Variants in MELK observed in about 807,000 individuals in gnomAD.
MELK encodes maternal embryonic leucine zipper kinase.
Under a neutral mutation model 85.0 loss-of-function variants are expected in MELK, and 81 were observed. The ratio of observed to expected loss-of-function variants is 0.95; its 90% CI spans 0.80 to 1.15. The LOEUF is 1.15. MELK is among the 50% of genes most tolerant of loss of function. The pLI, the probability that MELK is intolerant of heterozygous loss-of-function variation, is 0.00. For synonymous variants in MELK, 252 were observed against 265.0 expected (o/e 0.95, Z 0.48); for missense variants, 754 against 777.5 (o/e 0.97, Z 0.36).
chr9:36,633,340 G>T, intron 10 of MELK, 140 bp downstream of exon 10: 3 of 600,934 alleles, frequency 5.0e-6, no homozygotes, highest in Non-Finnish European at 8.4e-6. Context: ...GTAACCTAAT[G>T]GACAGTGGTT....
At chr9:36,580,767 C>T (rs1302212650) in intron 1 of MELK, among the ~76,000 whole-genome samples, 3 of 136,896 alleles carry the variant, frequency 2.2e-5, no homozygotes, top group Non-Finnish European at 3.1e-5. Flanking sequence ...CTGGCTGTTT[C>T]GCCCAGGCTA....
intron 13 of MELK, among the ~76,000 whole-genome samples, chr9:36,660,147 A>G (rs1831647468): frequency 1.3e-5 from 2 of 152,074 alleles, no homozygotes; most frequent in African/African-American, 4.8e-5. Context: ...GTATGAGCAC[A>G]TCCTATACAT....
chr9:36,653,371 C>T (rs1830902333), intron 12 of MELK, among the ~76,000 whole-genome samples: 1 of 152,052 alleles, frequency 6.6e-6, no homozygotes, highest in African/African-American at 2.4e-5. Context: ...GTCTTGAACA[C>T]CTGGGCTCAA....
At chr9:36,573,161 A>G (rs1490323200) in intron 1 of MELK, 154 bp downstream of exon 1, 1 of 152,294 alleles carries the variant, frequency 6.6e-6, no homozygotes, top group African/African-American at 2.4e-5. Flanking sequence ...TTCCCTGGAT[A>G]AGATATTTGA....
At chr9:36,587,930 T>A (rs1823106901) in intron 3 of MELK, among the ~76,000 whole-genome samples, 1 of 151,358 alleles carries the variant, frequency 6.6e-6, no homozygotes, top group Non-Finnish European at 1.5e-5. Context: ...CCTGGCTAAT[T>A]TTTTCGTGTG....
intron 1 of MELK, among the ~76,000 whole-genome samples, chr9:36,574,063 G>T: frequency 6.6e-6 from 1 of 152,060 alleles, no homozygotes; most frequent in East Asian, 1.9e-4. Context: ...TTTAAATTTT[G>T]GTTTCTGTTT....
At chr9:36,619,954 T>G (rs192453472) in intron 8 of MELK, among the ~76,000 whole-genome samples, 1 of 152,368 alleles carries the variant, frequency 6.6e-6, no homozygotes, top group Non-Finnish European at 1.5e-5. Context: ...CTCATCCTTT[T>G]GTCACAAAAG....
intron 4 of MELK, among the ~76,000 whole-genome samples, chr9:36,591,190 T>C (rs563141691): frequency 8.6e-5 from 13 of 151,188 alleles, no homozygotes; most frequent in Admixed American, 6.6e-4. Context: ...TCTACCTACA[T>C]GGTCCACATT....
At chr9:36,609,410 G>A (rs141240963) in intron 8 of MELK, among the ~76,000 whole-genome samples, 41 of 151,602 alleles carry the variant, frequency 2.7e-4, no homozygotes, top group African/African-American at 8.7e-4. Context: ...CAGACTAGCA[G>A]AGCAGCATCT....
At chr9:36,675,677 G>A (rs1030870823) in intron 17 of MELK, among the ~76,000 whole-genome samples, 1 of 152,054 alleles carries the variant, frequency 6.6e-6, no homozygotes. Context: ...CCTCTCTCCC[G>A]CTGTTGAAGG....
At chr9:36,589,683 A>G in intron 4 of MELK, 31 bp downstream of exon 4, 1 of 1,456,950 alleles carries the variant, frequency 6.9e-7, no homozygotes, top group Non-Finnish European at 9.6e-7. Context: ...ACCTGAAAAC[A>G]TTTGATCACT....
chr9:36,581,454 CT>C (rs913012999), intron 1 of MELK, among the ~76,000 whole-genome samples, 189 bp from the exon 2 acceptor site: 1 of 151,852 alleles, frequency 6.6e-6, no homozygotes, highest in African/African-American at 2.4e-5. Flanking sequence ...ATGTTTCATA[CT>C]TTTTAAGTCT....
intron 10 of MELK, among the ~76,000 whole-genome samples, chr9:36,640,013 C>T (rs767748817): frequency 5.3e-5 from 8 of 152,154 alleles, no homozygotes; most frequent in Non-Finnish European, 7.4e-5. Context: ...GTTCTAGGAG[C>T]GGTCATAGTC....
intron 8 of MELK, among the ~76,000 whole-genome samples, chr9:36,624,455 G>T (rs1348739826): frequency 6.6e-6 from 1 of 152,260 alleles, no homozygotes; most frequent in East Asian, 1.9e-4. Flanking sequence ...GCGGAACTGG[G>T]ATTCAAATAT....
chr9:36,585,552 C>A (rs1822807022), intron 3 of MELK, among the ~76,000 whole-genome samples: 1 of 152,038 alleles, frequency 6.6e-6, no homozygotes, highest in South Asian at 2.1e-4. Flanking sequence ...AGTGATGCAC[C>A]CACCTCGGCC....
intron 10 of MELK, among the ~76,000 whole-genome samples, chr9:36,634,970 T>C (rs1828984743): frequency 6.6e-6 from 1 of 151,834 alleles, no homozygotes; most frequent in Admixed American, 6.6e-5. Context: ...AAGAAAAAAA[T>C]GGCTAATTGA....
intron 9 of MELK, among the ~76,000 whole-genome samples, chr9:36,632,276 G>A (rs1051863690): frequency 3.3e-5 from 5 of 152,180 alleles, no homozygotes; most frequent in Non-Finnish European, 5.9e-5. Context: ...GTGAAAGATA[G>A]GAGTGCTGAA....
intron 12 of MELK, among the ~76,000 whole-genome samples, chr9:36,652,958 T>C (rs1830859714): frequency 6.6e-6 from 1 of 152,152 alleles, no homozygotes; most frequent in South Asian, 2.1e-4. Context: ...TGATATGGAA[T>C]ATATAATACT....
intron 1 of MELK, among the ~76,000 whole-genome samples, chr9:36,575,932 A>G (rs1228491168): frequency 6.6e-6 from 1 of 152,108 alleles, no homozygotes; most frequent in East Asian, 1.9e-4. Flanking sequence ...GATTCCAAAG[A>G]TTTCTGAGCC....
Sources: allele counts gnomAD v4.1 joint callset (sites outside exome capture counted in the v4.1 genomes callset), GRCh38; gene constraint gnomAD v4.1.1; transcripts MANE v1.5; gene names NCBI Gene and HGNC (gene_info 2026-07-23, HGNC 2026-07-21).